PTPRD: variants seen among roughly 807,000 people sequenced by gnomAD.
PTPRD encodes the protein receptor-type tyrosine-protein phosphatase delta.
In PTPRD, 34 loss-of-function variants were observed where a neutral mutation model predicts 214.5. The observed-to-expected ratio is 0.16, with a 90% CI of 0.12 to 0.21. PTPRD has a LOEUF of 0.21. PTPRD is among the 10% of genes least tolerant of loss of function. The pLI is 1.00. For synonymous variants in PTPRD, 1,128 were observed against 845.7 expected (o/e 1.33, Z -5.79); for missense variants, 2,545 against 2,398.7 (o/e 1.06, Z -1.27).
chr9:10,293,356 C>T (rs2095584313), intron 3 of PTPRD, among the ~76,000 whole-genome samples: 1 of 151,856 alleles, frequency 6.6e-6, no homozygotes, highest in African/African-American at 2.4e-5. Context: ...AATTTAAAAA[C>T]AGACACACAC....
intron 7 of PTPRD, among the ~76,000 whole-genome samples, chr9:9,657,792 C>T (rs1428316420): frequency 6.6e-6 from 1 of 152,130 alleles, no homozygotes; most frequent in East Asian, 1.9e-4. Context: ...GTACATCGTC[C>T]TTCCTTTGAT....
chr9:8,376,168 T>A, intron 38 of PTPRD, 78 bp from the exon 39 acceptor site: 6 of 1,499,570 alleles, frequency 4.0e-6, no homozygotes, highest in Non-Finnish European at 5.4e-6. Flanking sequence ...GAAGAGGTAA[T>A]GCTAAAATGT....
intron 2 of PTPRD, among the ~76,000 whole-genome samples, chr9:10,478,720 T>C (rs187989425): frequency 7.3e-5 from 11 of 151,620 alleles, no homozygotes; most frequent in African/African-American, 2.7e-4. Context: ...CTATATTCTG[T>C]AATATATATG....
At chr9:10,104,147 G>T (rs1021934427) in intron 3 of PTPRD, among the ~76,000 whole-genome samples, 1 of 151,646 alleles carries the variant, frequency 6.6e-6, no homozygotes, top group South Asian at 2.1e-4. Flanking sequence ...TGGAATGGTG[G>T]GTGCCAGGGG....
chr9:8,585,679 A>G (rs907586889), intron 14 of PTPRD, among the ~76,000 whole-genome samples: 4 of 152,200 alleles, frequency 2.6e-5, no homozygotes, highest in Non-Finnish European at 5.9e-5. Flanking sequence ...ATTTATTTAT[A>G]TATTCTGGTA....
intron 7 of PTPRD, among the ~76,000 whole-genome samples, chr9:9,656,468 A>T (rs2096517153): frequency 6.6e-6 from 1 of 152,238 alleles, no homozygotes; most frequent in African/African-American, 2.4e-5. Context: ...GAAATGTAGG[A>T]AAATTAAATA....
intron 5 of PTPRD, among the ~76,000 whole-genome samples, chr9:9,826,486 T>C (rs2052894982): frequency 6.6e-6 from 1 of 151,964 alleles, no homozygotes; most frequent in African/African-American, 2.4e-5. Context: ...AGTATGAAAT[T>C]AGCTAATCCA....
At chr9:8,565,719 T>C (rs1334299316) in intron 14 of PTPRD, among the ~76,000 whole-genome samples, 3 of 152,190 alleles carry the variant, frequency 2.0e-5, no homozygotes, top group Non-Finnish European at 2.9e-5. Flanking sequence ...AAATTTAAAC[T>C]GCTAAAGATC....
intron 11 of PTPRD, among the ~76,000 whole-genome samples, chr9:8,913,893 T>G (rs532971264): frequency 6.6e-6 from 1 of 152,310 alleles, no homozygotes; most frequent in African/African-American, 2.4e-5. Flanking sequence ...CCTGTTCATT[T>G]ATTTGTCTAT....
At chr9:8,623,437 C>T (rs952868492) in intron 14 of PTPRD, among the ~76,000 whole-genome samples, 2 of 151,888 alleles carry the variant, frequency 1.3e-5, no homozygotes, top group Non-Finnish European at 2.9e-5. Flanking sequence ...GACAAGGTAG[C>T]TTGACTTAAG....
At chr9:8,832,410 CTTTTTT>C (rs5896262) in intron 11 of PTPRD, among the ~76,000 whole-genome samples, 1 of 127,966 alleles carries the variant, frequency 7.8e-6, no homozygotes, top group East Asian at 2.3e-4. Context: ...CTAAAATCAT[CTTTTTT>C]TTTTTTTTTT....
chr9:10,502,066 A>C (rs1049216810), intron 2 of PTPRD, among the ~76,000 whole-genome samples: 2 of 151,942 alleles, frequency 1.3e-5, no homozygotes, highest in Non-Finnish European at 2.9e-5. Flanking sequence ...TTTTTAAGAA[A>C]ATAGTGTGCT....
chr9:9,616,313 G>A (rs1433061784), intron 7 of PTPRD, among the ~76,000 whole-genome samples: 1 of 152,108 alleles, frequency 6.6e-6, no homozygotes, highest in Non-Finnish European at 1.5e-5. Flanking sequence ...CATGCCCTGT[G>A]TTTTTATTTG....
At chr9:10,519,952 C>T (rs1344818012) in intron 2 of PTPRD, among the ~76,000 whole-genome samples, 1 of 151,964 alleles carries the variant, frequency 6.6e-6, no homozygotes, top group African/African-American at 2.4e-5. Context: ...TTAACATTAG[C>T]CTAATTACCA....
At chr9:9,036,303 T>C (rs1408271245) in intron 10 of PTPRD, among the ~76,000 whole-genome samples, 2 of 150,526 alleles carry the variant, frequency 1.3e-5, no homozygotes, top group East Asian at 3.9e-4. Flanking sequence ...CTCTTCTAAG[T>C]AGAGGAAGAA....
chr9:9,664,223 A>G (rs1272737991), intron 7 of PTPRD, among the ~76,000 whole-genome samples: 1 of 151,478 alleles, frequency 6.6e-6, no homozygotes, highest in African/African-American at 2.4e-5. Flanking sequence ...ATGGGTTCTG[A>G]CTATTTATAT....
At chr9:9,678,991 T>C (rs1296315742) in intron 7 of PTPRD, among the ~76,000 whole-genome samples, 1 of 151,680 alleles carries the variant, frequency 6.6e-6, no homozygotes, top group Non-Finnish European at 1.5e-5. Context: ...TTTTGGTACA[T>C]CAGAGTAATA....
intron 2 of PTPRD, among the ~76,000 whole-genome samples, chr9:10,502,139 C>A (rs1047216369): frequency 9.2e-5 from 14 of 151,594 alleles, no homozygotes; most frequent in Non-Finnish European, 1.8e-4. Flanking sequence ...GAAAAGAAAG[C>A]CAACATGCAA....
intron 2 of PTPRD, among the ~76,000 whole-genome samples, chr9:10,571,479 T>C (rs2067416038): frequency 6.6e-6 from 1 of 152,164 alleles, no homozygotes; most frequent in Non-Finnish European, 1.5e-5. Flanking sequence ...AGAAACTAGC[T>C]TTCGGAATGA....
Sources: gnomAD v4.1 joint callset for allele counts (sites outside exome capture counted in the v4.1 genomes callset) on GRCh38, gnomAD v4.1.1 for gene constraint, MANE v1.5 for transcripts, NCBI Gene and HGNC (gene_info 2026-07-23, HGNC 2026-07-21) for gene names.